Variants in RFXAP observed in about 807,000 individuals in gnomAD.
The protein encoded by RFXAP is regulatory factor X-associated protein.
Under a neutral mutation model 25.7 loss-of-function variants are expected in RFXAP, and 21 were observed. The observed-to-expected ratio is 0.82, with a 90% confidence interval of 0.58 to 1.18. The LOEUF (loss-of-function observed/expected upper bound fraction) is 1.18, where lower values mean the gene tolerates loss of function less well. RFXAP is among the 50% of genes most tolerant of loss of function. The pLI is 0.00. For missense variants in RFXAP, 333 were observed against 363.0 expected (o/e 0.92, Z 0.67); for synonymous variants, 161 against 152.2 (o/e 1.06, Z -0.43).
intron 2 of RFXAP, 93 bp downstream of exon 2, chr13:36,825,628 C>T: frequency 3.6e-6 from 3 of 827,154 alleles, no homozygotes; most frequent in South Asian, 1.4e-5. Flanking sequence ...TAGCTCATGA[C>T]ATCACACTAT....
Position 36,827,881 on chromosome 13 carries a change from G to C in RFXAP, c.*128G>C. 4.1e-6 allele frequency: 3 copies of C among 740,106 alleles called. No individual in the cohort carries two copies. Among genetic ancestry groups the C allele is most frequent in the Non-Finnish European group, 4.7e-6 (2 of 429,074 alleles). The allele number at this position is 740,106 out of a possible 1,614,324, so 45.8% of individuals were successfully genotyped here. A position where few individuals can be genotyped will look rare whatever the true frequency, so the allele number is the denominator to read the frequency against. ...CATAAACATTTTCCTGTAAATGTAT[G>C]TGTGCATTTGGGGATAAGTAAGTAT... On this transcript the variant is annotated 3_prime_UTR_variant, in exon 3 of 3. Transcript: ENST00000255476.
At chr13:36,826,182 A>G (rs2057977372) in intron 2 of RFXAP, among the ~76,000 whole-genome samples, 3 of 152,122 alleles carry the variant, frequency 2.0e-5, no homozygotes, top group Admixed American at 2.0e-4. Context: ...ATTAAACATG[A>G]TCAGTTTCCT....
At position 36,819,953 on chromosome 13, in the gene RFXAP, T is replaced by G; in HGVS notation, c.596T>G (p.Leu199Arg). The G allele has an allele frequency of 1.2e-6, 2 of 1,613,654 alleles. No individual in the cohort carries two copies. Among genetic ancestry groups the G allele is most frequent in the Non-Finnish European group, 1.7e-6 (2 of 1,179,900 alleles). ...ASTGSAGNVKLEESADNILSI... is the reference protein window; with the variant it reads ...ASTGSAGNVKREESADNILSI... ...ACTGGCAGCGCGGGAAACGTCAAAC[T>G]CGAGGTATCAGACTTAGCTGAGGCC... Residue 199 changes from leucine to arginine, a missense_variant, in exon 1 of 3, where the codon CTC (leucine) becomes CGC (arginine). Physicochemically the swap from Leu to Arg is moderately radical, Grantham distance 102. Transcript: ENST00000255476.
Position 36,827,807 on chromosome 13 carries a change from C to A in RFXAP, c.*54C>A. 2 of 1,380,820 alleles carry A rather than the reference C, an allele frequency of 1.4e-6. No individual in the cohort carries two copies. The highest frequency in any genetic ancestry group is 2.1e-6 in the Non-Finnish European group (2 of 971,308). The allele number at this position is 1,380,820 out of a possible 1,614,324, so 85.5% of individuals were successfully genotyped here. On this transcript the variant is annotated 3_prime_UTR_variant, in exon 3 of 3. Coordinates refer to ENST00000255476, the MANE Select transcript of RFXAP (RefSeq NM_000538.4). ...TTTTTATCTTATTGTAATAGATGAG[C>A]ATATTTTTTTACCAGACATAAATGG...
At chr13:36,822,369 C>T (rs576758510) in intron 1 of RFXAP, among the ~76,000 whole-genome samples, 1 of 152,214 alleles carries the variant, frequency 6.6e-6, no homozygotes, top group South Asian at 2.1e-4. Flanking sequence ...GTGAGACCCA[C>T]CACGCCGGCC....
At chr13:36,825,375 A>G in intron 1 of RFXAP, 53 bp from the exon 2 acceptor site, 12 of 1,287,280 alleles carry the variant, frequency 9.3e-6, no homozygotes, top group Non-Finnish European at 1.2e-5. Flanking sequence ...ACCTGTAATC[A>G]TGACTTATTA....
chr13:36,819,296 G>T lies in RFXAP; in HGVS notation c.-62G>T. The T allele has an allele frequency of 8.1e-7, 1 of 1,236,184 alleles. No individual in the cohort carries two copies. 76.6% of individuals were successfully genotyped at this position (1,236,184 alleles called of 1,614,324 possible). A position where few individuals can be genotyped will look rare whatever the true frequency, so the allele number is the denominator to read the frequency against. On this transcript the variant is annotated 5_prime_UTR_variant, in exon 1 of 3. Coordinates refer to ENST00000255476, the MANE Select transcript of RFXAP (RefSeq NM_000538.4). ...GTCCTGAGTCTTTGGTTCGCGAAGTGCCGTTAGGCCAAGCAGGTGCTAAAA... is the reference window on the plus strand; with the variant it reads ...GTCCTGAGTCTTTGGTTCGCGAAGTTCCGTTAGGCCAAGCAGGTGCTAAAA...
At position 36,819,378 on chromosome 13, in the gene RFXAP, G is replaced by C. The variant is rs2057953349; in HGVS notation, c.21G>C (p.Ala7=). 1 of 1,292,960 alleles carries C rather than the reference G, an allele frequency of 7.7e-7. No homozygotes were observed. 80.1% of individuals were successfully genotyped at this position (1,292,960 alleles called of 1,614,324 possible). ...GCAGCATGGAGGCGCAGGGTGTAGC[G>C]GAGGGCGCGGGGCCGGGCGCCGCCA... The part of the protein sequence containing the change: MEAQGV[A]EGAGPGAASG... The change falls in exon 1 of 3, where the codon GCG becomes GCC. Residue 7 remains alanine, a synonymous_variant. Coordinates refer to ENST00000255476, the MANE Select transcript of RFXAP (RefSeq NM_000538.4).
chr13:36,821,939 A>G (rs546632622), intron 1 of RFXAP, among the ~76,000 whole-genome samples: 1 of 152,284 alleles, frequency 6.6e-6, no homozygotes, highest in East Asian at 1.9e-4. Context: ...AGTATGTTTT[A>G]CCAAATCTCT....
chr13:36,821,509 A>T (rs969720257), intron 1 of RFXAP, among the ~76,000 whole-genome samples: 10 of 151,894 alleles, frequency 6.6e-5, no homozygotes, highest in African/African-American at 9.7e-5. Flanking sequence ...AAAAAATTTT[A>T]AAAATTAGCC....
At chr13:36,827,057 T>C (rs2057980362) in intron 2 of RFXAP, among the ~76,000 whole-genome samples, 2 of 152,176 alleles carry the variant, frequency 1.3e-5, no homozygotes, top group South Asian at 4.1e-4. Flanking sequence ...TTTAAAGTGA[T>C]GAGTGTACAA....
intron 2 of RFXAP, 124 bp downstream of exon 2, chr13:36,825,659 TAAG>T (rs2057975948): frequency 5.1e-6 from 3 of 584,116 alleles, no homozygotes; most frequent in Non-Finnish European, 8.7e-6. Flanking sequence ...AAATTCCTAA[TAAG>T]TCAAAATTTT....
In RFXAP at chr13:36,819,756, TG is replaced by T; in HGVS notation, c.404del (p.Gly135AlafsTer3). On this transcript the variant is annotated frameshift_variant, in exon 1 of 3. Transcript: ENST00000255476. LOFTEE classifies it high-confidence loss of function. ...SGGARRRGSG[G>X]GSMSKTCTYE... Reference sequence around the variant, plus strand: ...GGGGCGCCCGGAGGCGGGGCAGCGGTGGGGGCAGCATGAGCAAGACCTGCAC... The same window carrying T: ...GGGGCGCCCGGAGGCGGGGCAGCGGTGGGGCAGCATGAGCAAGACCTGCAC... 6.4e-7 allele frequency: 1 copy of T among 1,554,294 alleles called. No individual in the cohort carries two copies. The highest frequency in any genetic ancestry group is 1.2e-5 in the South Asian group (1 of 84,478).
In RFXAP at chr13:36,819,658, G is replaced by T; in HGVS notation, c.301G>T (p.Gly101Ter). 1 of 1,548,984 alleles carries T rather than the reference G, an allele frequency of 6.5e-7. No individual in the cohort carries two copies. The highest frequency in any genetic ancestry group is 8.7e-7 in the Non-Finnish European group (1 of 1,145,124). Residue 101 changes from glycine to a stop codon, truncating the protein, a stop_gained, in exon 1 of 3, where the codon GGA becomes TGA. Coordinates refer to ENST00000255476, the MANE Select transcript of RFXAP (RefSeq NM_000538.4). LOFTEE classifies it high-confidence loss of function. ...GTTAGACACTTCGGACCCTCCGGGGGGAGGCGAGAGCGCGGCTAGTTTGGA... is the reference window on the plus strand; with the variant it reads ...GTTAGACACTTCGGACCCTCCGGGGTGAGGCGAGAGCGCGGCTAGTTTGGA... ...DLLDTSDPPG[G>*]GESAASLEDL...
At chr13:36,821,402 T>C (rs2057962264) in intron 1 of RFXAP, among the ~76,000 whole-genome samples, 1 of 152,064 alleles carries the variant, frequency 6.6e-6, no homozygotes, top group Non-Finnish European at 1.5e-5. Context: ...GGCTAATACC[T>C]GTAAGCCCAG....
In RFXAP at chr13:36,819,403, A is replaced by T; in HGVS notation, c.46A>T (p.Ser16Cys). Residue 16 changes from serine to cysteine, a missense_variant, in exon 1 of 3, where the codon AGC (serine) becomes TGC (cysteine). Transcript: ENST00000255476. ...VAEGAGPGAA[S>C]GVPHPAALAP... ...GGAGGGCGCGGGGCCGGGCGCCGCCAGCGGCGTGCCCCACCCCGCGGCCCT... is the reference window on the plus strand; with the variant it reads ...GGAGGGCGCGGGGCCGGGCGCCGCCTGCGGCGTGCCCCACCCCGCGGCCCT... The T allele has an allele frequency of 7.6e-7, 1 of 1,307,612 alleles. No homozygotes were observed. Among genetic ancestry groups the T allele is most frequent in the Non-Finnish European group, 9.7e-7 (1 of 1,034,490 alleles). 81.0% of individuals were successfully genotyped at this position (1,307,612 alleles called of 1,614,324 possible). A position where few individuals can be genotyped will look rare whatever the true frequency, so the allele number is the denominator to read the frequency against.
At chr13:36,826,935 G>A (rs113590657) in intron 2 of RFXAP, among the ~76,000 whole-genome samples, 6 of 152,208 alleles carry the variant, frequency 3.9e-5, no homozygotes, top group African/African-American at 1.2e-4. Context: ...AGACTGCAGT[G>A]AGCTATGCTC....
chr13:36,823,098 G>A (rs2057968256), intron 1 of RFXAP, among the ~76,000 whole-genome samples: 2 of 152,140 alleles, frequency 1.3e-5, no homozygotes, highest in Admixed American at 1.3e-4. Flanking sequence ...TTCAGCAATG[G>A]GATAGATACT....
chr13:36,821,411 A>G (rs2057962326), intron 1 of RFXAP, among the ~76,000 whole-genome samples: 3 of 152,186 alleles, frequency 2.0e-5, no homozygotes, highest in East Asian at 3.9e-4. Flanking sequence ...CTGTAAGCCC[A>G]GAACTTGGGG....
Sources: allele counts gnomAD v4.1 joint callset (sites outside exome capture counted in the v4.1 genomes callset), GRCh38; gene constraint gnomAD v4.1.1; transcripts MANE v1.5; gene names NCBI Gene and HGNC (gene_info 2026-07-23, HGNC 2026-07-21).